The following SERINC5 variants were observed in gnomAD, a reference collection of about 807,000 sequenced individuals.
SERINC5 encodes the protein chromosome 5 open reading frame 12.
SERINC5 carries 41 observed loss-of-function variants against 63.1 expected under a neutral mutation model. That is an observed-to-expected ratio of 0.65 (90% CI 0.51 to 0.84). The LOEUF is 0.84. SERINC5 is among the 40% of genes least tolerant of loss of function. SERINC5 has a pLI of 0.00. For synonymous variants in SERINC5, 222 were observed against 215.2 expected, an observed-to-expected ratio of 1.03 and a Z score of -0.28; for missense variants, 523 against 573.0, an observed-to-expected ratio of 0.91 and a Z score of 0.89.
Position 80,229,050 on chromosome 5 carries a change from T to TG in SERINC5, c.28-25998dup, listed in dbSNP as rs1174325559. On this transcript the variant is annotated intron_variant, in intron 1 of 11. Transcript: ENST00000507668. Reference sequence around the variant, plus strand: ...TTTTTTTTTTTTTTTTTTTTTTTTTTGGGGATGGAGTTGCCTAGGCTGGAG... The same window carrying TG: ...TTTTTTTTTTTTTTTTTTTTTTTTTTGGGGGATGGAGTTGCCTAGGCTGGAG... 5.3e-5 allele frequency among the ~76,000 whole-genome samples: 5 copies of TG among 94,164 alleles called. 1 individual carries two copies. Among genetic ancestry groups the TG allele is most frequent in the African/African-American group, 7.8e-5 (2 of 25,620 alleles). 61.8% of individuals were successfully genotyped at this position (94,164 alleles called of 152,430 possible).
chr5:80,190,098 CT>C (rs1749088512), intron 2 of SERINC5, among the ~76,000 whole-genome samples: 1 of 145,048 alleles, frequency 6.9e-6, no homozygotes, highest in Non-Finnish European at 1.5e-5. Flanking sequence ...ACATAACTGT[CT>C]CCCGTACTTT....
chr5:80,235,221 G>C (rs764952628), intron 1 of SERINC5, among the ~76,000 whole-genome samples: 2 of 152,050 alleles, frequency 1.3e-5, no homozygotes, highest in Non-Finnish European at 2.9e-5. Context: ...ATTTCACTTA[G>C]CATAATGTCC....
intron 1 of SERINC5, among the ~76,000 whole-genome samples, chr5:80,219,023 T>A (rs1750788702): frequency 6.6e-6 from 1 of 152,220 alleles, no homozygotes; most frequent in African/African-American, 2.4e-5. Flanking sequence ...CAATAAAAGA[T>A]GATTATTTCA....
chr5:80,250,569 G>A (rs770236397), intron 1 of SERINC5, among the ~76,000 whole-genome samples: 7 of 152,014 alleles, frequency 4.6e-5, no homozygotes, highest in African/African-American at 7.2e-5. Context: ...CTCGAACTCC[G>A]CCCACCTGAG....
At chr5:80,174,369 A>AAATAATAATAATAATAAT (rs55865818) in intron 5 of SERINC5, among the ~76,000 whole-genome samples, 6,298 of 131,606 alleles carry the variant, frequency 0.048, 213 homozygotes, top group East Asian at 0.13. Context: ...CCCATCTCAA[A>AAATAATAATAATAATAAT]AATAATAATA....
At chr5:80,218,451 A>T (rs1750764518) in intron 1 of SERINC5, among the ~76,000 whole-genome samples, 1 of 152,188 alleles carries the variant, frequency 6.6e-6, no homozygotes, top group Non-Finnish European at 1.5e-5. Context: ...GAGGTAGGAG[A>T]ATCACTTGAA....
At chr5:80,235,887 TAAG>T (rs1403879921) in intron 1 of SERINC5, among the ~76,000 whole-genome samples, 4 of 152,230 alleles carry the variant, frequency 2.6e-5, no homozygotes, top group Admixed American at 6.5e-5. Flanking sequence ...TGTTGATTTA[TAAG>T]AACACTGTGC....
At chr5:80,174,369 A>AAATAACAATAATAAT (rs1747875333) in intron 5 of SERINC5, among the ~76,000 whole-genome samples, 1 of 131,718 alleles carries the variant, frequency 7.6e-6, no homozygotes, top group Non-Finnish European at 1.6e-5. Context: ...CCCATCTCAA[A>AAATAACAATAATAAT]AATAATAATA....
intron 5 of SERINC5, among the ~76,000 whole-genome samples, chr5:80,172,542 A>G (rs1169146185): frequency 6.6e-6 from 1 of 152,196 alleles, no homozygotes; most frequent in Non-Finnish European, 1.5e-5. Context: ...TGTTTTAATG[A>G]TGAAAAAGTT....
chr5:80,255,777 A>C (rs1325859515), intron 1 of SERINC5, 119 bp downstream of exon 1: 32 of 1,043,832 alleles, frequency 3.1e-5, no homozygotes, highest in Non-Finnish European at 4.0e-5. Context: ...CGAGCGACCC[A>C]CCCGGGCCCT....
chr5:80,113,326 G>A (rs1744198197), intron 12 of SERINC5, among the ~76,000 whole-genome samples: 1 of 151,976 alleles, frequency 6.6e-6, no homozygotes, highest in Admixed American at 6.6e-5. Flanking sequence ...TCCCAATTTG[G>A]TAGGTAAAAC....
downstream of SERINC5, among the ~76,000 whole-genome samples, chr5:80,137,164 C>CAAAAAAAAAAAA (rs796274001): frequency 1.3e-5 from 1 of 79,114 alleles, no homozygotes; most frequent in Non-Finnish European, 2.9e-5. Context: ...AAAAAAAAAA[C>CAAAAAAAAAAAA]AAAAAAAACA....
chr5:80,144,037 C>T (rs182045743), intron 11 of SERINC5, among the ~76,000 whole-genome samples: 1 of 152,236 alleles, frequency 6.6e-6, no homozygotes, highest in East Asian at 1.9e-4. Flanking sequence ...CAGCCCACCC[C>T]CCGCATTCAC....
At chr5:80,153,229 G>A (rs1213650631) in intron 8 of SERINC5, among the ~76,000 whole-genome samples, 3 of 151,792 alleles carry the variant, frequency 2.0e-5, no homozygotes, top group Non-Finnish European at 2.9e-5. Flanking sequence ...AGGCTGAAGC[G>A]GGCAGATCAC....
rs533454724 is a variant in SERINC5 at position 80,160,992 on chromosome 5, G to GTA, written c.860-2032_860-2031dup. Among the ~76,000 whole-genome samples, 175 of 137,350 alleles carry GTA rather than the reference G, an allele frequency of 1.3e-3. 3 individuals are homozygous for GTA. In the South Asian group the frequency reaches 0.017, roughly 13 times the overall value. 90.1% of individuals were successfully genotyped at this position (137,350 alleles called of 152,430 possible). On this transcript the variant is annotated intron_variant, in intron 7 of 11. Transcript: ENST00000507668. Reference sequence around the variant, plus strand: ...TATATATGTATATATGTGTGTATATGTATATATATACGTGTATATATACGT... The same window carrying GTA: ...TATATATGTATATATGTGTGTATATGTATATATATATACGTGTATATATACGT...
chr5:80,137,154 A>AAAAAC (rs1554058503), downstream of SERINC5, among the ~76,000 whole-genome samples: 156 of 115,314 alleles, frequency 1.4e-3, 2 homozygotes, highest in African/African-American at 4.7e-3. Flanking sequence ...AAAAAAAAAA[A>AAAAAC]AAAAAAAAAC....
chr5:80,196,330 T>G (rs1432977814), intron 2 of SERINC5, among the ~76,000 whole-genome samples: 1 of 152,000 alleles, frequency 6.6e-6, no homozygotes, highest in Non-Finnish European at 1.5e-5. Flanking sequence ...ACACACACTA[T>G]AGCGACTAAA....
At chr5:80,128,018 C>T (rs1744809880) in intron 11 of SERINC5, among the ~76,000 whole-genome samples, 1 of 152,090 alleles carries the variant, frequency 6.6e-6, no homozygotes. Context: ...ACTTAGTTAT[C>T]AACATCTTAT....
At chr5:80,203,984 C>T (rs1305918684) in intron 1 of SERINC5, among the ~76,000 whole-genome samples, 2 of 152,144 alleles carry the variant, frequency 1.3e-5, no homozygotes, top group African/African-American at 4.8e-5. Context: ...TCCATAAAAA[C>T]CCTAATCAAT....
Sources: allele counts gnomAD v4.1 joint callset (sites outside exome capture counted in the v4.1 genomes callset), GRCh38; gene constraint gnomAD v4.1.1; transcripts MANE v1.5; gene names NCBI Gene and HGNC (gene_info 2026-07-23, HGNC 2026-07-21).